Variants in UBE3A observed in about 807,000 individuals in gnomAD.
UBE3A encodes ubiquitin protein ligase E3A, also known as ubiquitin-protein ligase E3A.
In UBE3A, 6 loss-of-function variants were observed where a neutral mutation model predicts 83.4. The observed-to-expected ratio is 0.07, with a 90% confidence interval of 0.04 to 0.14. The LOEUF (loss-of-function observed/expected upper bound fraction) is 0.14, where lower values mean the gene tolerates loss of function less well. Ranked by LOEUF, UBE3A falls within the 10% of genes least tolerant of loss-of-function variation. The pLI is 1.00. For synonymous variants in UBE3A, 337 were observed against 355.4 expected, an observed-to-expected ratio of 0.95 and a Z score of 0.58; for missense variants, 456 against 1,036.1, an observed-to-expected ratio of 0.44 and a Z score of 7.69.
At chr15:25,361,689 T>G (rs1297641129) in intron 6 of UBE3A, among the ~76,000 whole-genome samples, 3 of 152,156 alleles carry the variant, frequency 2.0e-5, no homozygotes, top group Non-Finnish European at 4.4e-5. Flanking sequence ...ATGGATACTG[T>G]ATCCAGTATC....
chr15:25,350,323 A>G (rs1057314896), intron 11 of UBE3A, among the ~76,000 whole-genome samples: 8 of 151,394 alleles, frequency 5.3e-5, no homozygotes, highest in Non-Finnish European at 1.2e-4. Flanking sequence ...CCAACGAACC[A>G]ACCAACCAAC....
At chr15:25,409,776 T>TA (rs2089530700) in intron 2 of UBE3A, among the ~76,000 whole-genome samples, 1 of 152,154 alleles carries the variant, frequency 6.6e-6, no homozygotes, top group African/African-American at 2.4e-5. Flanking sequence ...CCTAAGCTGA[T>TA]AGAGCAATCA....
chr15:25,399,328 C>G (rs181003902), intron 4 of UBE3A, among the ~76,000 whole-genome samples: 198 of 152,216 alleles, frequency 1.3e-3, no homozygotes, highest in African/African-American at 4.2e-3. Flanking sequence ...GGTAGTTCTA[C>G]AGTTTCAGGT....
chr15:25,366,734 CCTTT>C (rs1247209595), intron 6 of UBE3A, among the ~76,000 whole-genome samples: 8 of 151,930 alleles, frequency 5.3e-5, no homozygotes, highest in African/African-American at 1.7e-4. Context: ...ATCAAAATGG[CCTTT>C]CTCTTTCTCT....
rs749256976 is a variant in UBE3A at position 25,354,326 on chromosome 15, C to A, written c.2354+27G>T. 6.2e-6 allele frequency: 10 copies of A among 1,607,784 alleles called. No homozygotes were observed. In the East Asian group the frequency reaches 2.0e-4, roughly 32 times the overall value. ...CACACACCCCTTTGGTGAATCAAAT[C>A]TTCCTCTGAAGAACTAAGTACCTCA... On this transcript the variant is annotated intron_variant, in intron 11 of 12. Coordinates refer to ENST00000648336, the MANE Select transcript of UBE3A (RefSeq NM_130839.5).
intron 1 of UBE3A, among the ~76,000 whole-genome samples, chr15:25,425,574 T>C (rs1891082791): frequency 6.6e-6 from 1 of 152,180 alleles, no homozygotes; most frequent in Non-Finnish European, 1.5e-5. Flanking sequence ...TCTTACATTT[T>C]ATATTTGATT....
chr15:25,340,113 T>C lies in UBE3A; in HGVS notation c.2470A>G (p.Ile824Val). 1 of 1,614,082 alleles carries C rather than the reference T, an allele frequency of 6.2e-7. No individual in the cohort carries two copies. Among genetic ancestry groups the C allele is most frequent in the Non-Finnish European group, 8.5e-7 (1 of 1,179,962 alleles). ...VGGLGKLKMI[I>V]AKNGPDTERL... ...TCTGTGTCTGGGCCATTTTTGGCTA[T>C]AATCATCTTTAATTTTCCTAGTCCT... is the stretch of plus-strand genomic sequence containing the variant. The change falls in exon 12 of 13, where the codon ATA (isoleucine) becomes GTA (valine). Residue 824 changes from isoleucine (I) to valine (V), a missense_variant. Ile to Val is a conservative substitution (Grantham distance 29, BLOSUM62 3). This residue lies in a region of UBE3A where 82 missense variants were observed against 199.3 expected (regional missense o/e 0.41). Transcript: ENST00000648336.
Position 25,338,986 on chromosome 15 carries a change from A to G in UBE3A, c.*151T>C. 1.3e-6 allele frequency: 1 copy of G among 759,902 alleles called. No individual in the cohort carries two copies. The highest frequency in any genetic ancestry group is 1.9e-6 in the Non-Finnish European group (1 of 522,608). 47.1% of individuals were successfully genotyped at this position (759,902 alleles called of 1,614,324 possible). A position where few individuals can be genotyped will look rare whatever the true frequency, so the allele number is the denominator to read the frequency against. On this transcript the variant is annotated 3_prime_UTR_variant, in exon 13 of 13. Coordinates refer to ENST00000648336, the MANE Select transcript of UBE3A (RefSeq NM_130839.5). Reference sequence around the variant, plus strand: ...CAATAAAGAAGGGAGGCACAGACATAGGTGACTACTGTGGTTGACTATCTT... The same window carrying G: ...CAATAAAGAAGGGAGGCACAGACATGGGTGACTACTGTGGTTGACTATCTT...
intron 1 of UBE3A, among the ~76,000 whole-genome samples, chr15:25,422,825 A>C (rs1446334193): frequency 6.6e-6 from 1 of 151,384 alleles, no homozygotes; most frequent in East Asian, 1.9e-4. Flanking sequence ...AAAAAAAAAA[A>C]AAAACCAACC....
intron 9 of UBE3A, 144 bp from the exon 10 acceptor site, chr15:25,354,827 T>C: frequency 1.3e-6 from 1 of 761,284 alleles, no homozygotes. Context: ...ACCTACTTCT[T>C]AACAATTTCA....
intron 3 of UBE3A, chr15:25,406,964 C>T: frequency 1.7e-6 from 1 of 606,024 alleles, no homozygotes; most frequent in Non-Finnish European, 2.3e-6. Flanking sequence ...CAACTAAAAA[C>T]TGGGGCATGC....
At chr15:25,356,604 A>G (rs1185580117) in intron 8 of UBE3A, 87 bp downstream of exon 8, 1 of 1,362,956 alleles carries the variant, frequency 7.3e-7, no homozygotes, top group Non-Finnish European at 1.0e-6. Context: ...GATTCTAAAC[A>G]AAAACTTTAA....
intron 4 of UBE3A, among the ~76,000 whole-genome samples, chr15:25,390,267 A>C (rs902526344): frequency 2.0e-5 from 3 of 152,200 alleles, no homozygotes; most frequent in African/African-American, 7.2e-5. Context: ...CACTTTTACC[A>C]TAAGATCCAG....
rs2073913966 is a variant in UBE3A, at chr15:25,335,361, G to C, written c.*3776C>G. ...AGGCCAAATTGGAAAGGTCAGTGAG[G>C]GGGCAATCTGTGGAGGCACTGAATG... On this transcript the variant is annotated 3_prime_UTR_variant, in exon 13 of 13. Transcript: ENST00000648336. 1 of 152,322 alleles carries C rather than the reference G, an allele frequency of 6.6e-6. No homozygotes were observed. Among genetic ancestry groups the C allele is most frequent in the Non-Finnish European group, 1.5e-5 (1 of 68,128 alleles). 9.4% of individuals were successfully genotyped at this position (152,322 alleles called of 1,614,324 possible).
chr15:25,364,965 A>G (rs545898011), intron 6 of UBE3A, among the ~76,000 whole-genome samples: 4 of 152,098 alleles, frequency 2.6e-5, no homozygotes, highest in Non-Finnish European at 5.9e-5. Flanking sequence ...GTATATTTAA[A>G]AGTACAGTGT....
chr15:25,373,264 T>C (rs1291516974), intron 5 of UBE3A, among the ~76,000 whole-genome samples: 1 of 152,174 alleles, frequency 6.6e-6, no homozygotes, highest in Admixed American at 6.5e-5. Context: ...AAAATACTAC[T>C]ATCCTATTAG....
intron 11 of UBE3A, among the ~76,000 whole-genome samples, chr15:25,341,748 T>C (rs2074850252): frequency 6.9e-6 from 1 of 143,918 alleles, no homozygotes; most frequent in Non-Finnish European, 1.5e-5. Context: ...GGGAAACATT[T>C]TGAGCCATCT....
chr15:25,377,601 T>A (rs2081428436), intron 4 of UBE3A, among the ~76,000 whole-genome samples: 1 of 152,202 alleles, frequency 6.6e-6, no homozygotes, highest in Non-Finnish European at 1.5e-5. Flanking sequence ...TCTCCCAAAC[T>A]ACAGTGACTT....
At chr15:25,343,042 G>GA (rs146225216) in intron 11 of UBE3A, among the ~76,000 whole-genome samples, 3,612 of 152,208 alleles carry the variant, frequency 0.024, 141 homozygotes, top group African/African-American at 0.081. Context: ...ACATGGAGCT[G>GA]AAAAATCAGA....
Sources: gnomAD v4.1 joint callset for allele counts (sites outside exome capture counted in the v4.1 genomes callset) on GRCh38, gnomAD v4.1.1 for gene constraint, gnomAD v4.1.1 regional missense constraint, MANE v1.5 for transcripts, NCBI Gene and HGNC (gene_info 2026-07-23, HGNC 2026-07-21) for gene names.